CELF2: variants seen among roughly 807,000 people sequenced by gnomAD.
CELF2 encodes CUG triplet repeat RNA-binding protein 2.
CELF2 carries 8 observed loss-of-function variants against 62.6 expected under a neutral mutation model. That is an observed-to-expected ratio of 0.13 (90% confidence interval 0.07 to 0.23). CELF2 has a LOEUF of 0.23. Among genes scored for constraint, CELF2 ranks in the 10% least tolerant of loss-of-function variants. CELF2 has a pLI of 1.00. For missense variants in CELF2, 333 were observed against 671.0 expected (o/e 0.50, Z 5.56); for synonymous variants, 258 against 250.0 (o/e 1.03, Z -0.30).
the CELF2 span, among the ~76,000 whole-genome samples, chr10:10,561,925 T>C: frequency 6.6e-6 from 1 of 152,150 alleles, no homozygotes; most frequent in African/African-American, 2.4e-5. Flanking sequence ...CCCCCTGCTC[T>C]CACTTTCTCC....
intron 9 of CELF2, among the ~76,000 whole-genome samples, chr10:11,307,732 C>A (rs4579840): frequency 2.0e-5 from 3 of 152,184 alleles, no homozygotes; most frequent in Admixed American, 6.5e-5. Flanking sequence ...TTTTAAGATT[C>A]CACTGAAAAG....
In CELF2 at chr10:11,268,353, A is replaced by G. The variant is rs563510768; in HGVS notation, c.618+1676A>G. Among the ~76,000 whole-genome samples the G allele has an allele frequency of 6.6e-5, 10 of 152,298 alleles. No homozygotes were observed. The highest frequency in any genetic ancestry group is 1.9e-4 in the African/African-American group (8 of 41,558). ...TCACCTGAGATAATTTTGAACCTCAATTCTTCAGTGTTTCTGTTAGAAACA... is the reference window on the plus strand; with the variant it reads ...TCACCTGAGATAATTTTGAACCTCAGTTCTTCAGTGTTTCTGTTAGAAACA... On this transcript the variant is annotated intron_variant, in intron 6 of 12. Coordinates refer to ENST00000633077, the MANE Select transcript of CELF2 (RefSeq NM_001326342.2). The surrounding 1 kb of genome is among the most constrained non-coding windows in gnomAD (Gnocchi z 4.7).
chr10:10,516,285 A>G, the CELF2 span, among the ~76,000 whole-genome samples: 12 of 152,302 alleles, frequency 7.9e-5, no homozygotes, highest in Admixed American at 7.2e-4. Flanking sequence ...TGAGAAGTCT[A>G]TTATTTAAAT....
At chr10:11,136,422 C>T (rs974104339) in intron 1 of CELF2, among the ~76,000 whole-genome samples, 29 of 151,974 alleles carry the variant, frequency 1.9e-4, no homozygotes, top group East Asian at 3.9e-4. Flanking sequence ...CCCAACGTGG[C>T]GAAACTCCAT....
the CELF2 span, among the ~76,000 whole-genome samples, chr10:10,684,020 T>C: frequency 6.6e-6 from 1 of 151,960 alleles, no homozygotes; most frequent in Non-Finnish European, 1.5e-5. Context: ...GAAAAAAAAA[T>C]CGCACGTACT....
intron 2 of CELF2, among the ~76,000 whole-genome samples, chr10:11,197,021 A>AAGGAAGGAAGGAAGGAAGGAAGG (rs1565230337): frequency 0.011 from 105 of 9,142 alleles, 10 homozygotes; most frequent in Admixed American, 0.023. Flanking sequence ...AGAAAGAAAG[A>AAGGAAGGAAGGAAGGAAGGAAGG]AAGAAAAGAA....
chr10:10,878,625 A>G (rs945634215), intron 1 of CELF2, among the ~76,000 whole-genome samples: 1 of 152,104 alleles, frequency 6.6e-6, no homozygotes, highest in Admixed American at 6.6e-5. Context: ...AGTCCTCTCA[A>G]GTTGGTCATT....
In CELF2 at chr10:11,331,947, C is replaced by G. The variant is rs2096031474; in HGVS notation, c.*2894C>G. 6.6e-6 allele frequency: 1 copy of G among 152,248 alleles called. No homozygotes were observed. The highest frequency in any genetic ancestry group is 1.5e-5 in the Non-Finnish European group (1 of 68,024). 9.4% of individuals were successfully genotyped at this position (152,248 alleles called of 1,614,324 possible). On this transcript the variant is annotated 3_prime_UTR_variant, in exon 13 of 13. Transcript: ENST00000633077. ...CCAATTTGGATTTTTTTCCCTGCAT[C>G]TATCCTCTAAGTTGTTTCGGTTTGA...
At chr10:11,002,534 G>A (rs1022083435), upstream of CELF2, among the ~76,000 whole-genome samples, 1 of 152,152 alleles carries the variant, frequency 6.6e-6, no homozygotes, top group African/African-American at 2.4e-5. The surrounding 1 kb of genome is among the most constrained non-coding windows in gnomAD (Gnocchi z 4.4). Context: ...CGTAGAAAGG[G>A]GCAGGCCCAG....
intron 1 of CELF2, among the ~76,000 whole-genome samples, chr10:11,047,862 G>T (rs147155369): frequency 2.0e-5 from 3 of 152,030 alleles, no homozygotes; most frequent in Non-Finnish European, 4.4e-5. Flanking sequence ...TCATGTTACT[G>T]TTGCCACATG....
intron 2 of CELF2, among the ~76,000 whole-genome samples, chr10:10,961,603 G>A (rs755616144): frequency 1.5e-4 from 23 of 151,352 alleles, no homozygotes; most frequent in South Asian, 4.2e-4. Context: ...AAAATTAGCC[G>A]GGTGTGGTAG....
At chr10:10,643,302 T>C in the CELF2 span, among the ~76,000 whole-genome samples, 8 of 152,046 alleles carry the variant, frequency 5.3e-5, no homozygotes, top group Non-Finnish European at 8.8e-5. Flanking sequence ...TTGGAGATAG[T>C]TGAATCAGGG....
the CELF2 span, among the ~76,000 whole-genome samples, chr10:10,614,887 G>A: frequency 4.6e-5 from 7 of 152,056 alleles, no homozygotes; most frequent in Admixed American, 2.0e-4. Context: ...AGCAAAGCAC[G>A]TAGGTCCCAA....
At chr10:10,714,143 C>T in the CELF2 span, among the ~76,000 whole-genome samples, 4 of 152,128 alleles carry the variant, frequency 2.6e-5, no homozygotes, top group Non-Finnish European at 5.9e-5. Flanking sequence ...TTAAAGACAT[C>T]GCTCCCCCAA....
chr10:11,067,730 G>C lies in CELF2; in HGVS notation c.74+49567G>C, dbSNP rs976252613. On this transcript the variant is annotated intron_variant, in intron 1 of 12. Transcript: ENST00000633077. Reference sequence around the variant, plus strand: ...CATGCTTCCCTTGTGTGTTTCCAGTGGTTGAAGTTGAAAGAACACAGGTTA... The same window carrying C: ...CATGCTTCCCTTGTGTGTTTCCAGTCGTTGAAGTTGAAAGAACACAGGTTA... Among the ~76,000 whole-genome samples the C allele has an allele frequency of 2.6e-5, 4 of 152,184 alleles. No homozygotes were observed. In the South Asian group the frequency reaches 8.3e-4, roughly 32 times the overall value.
At chr10:10,913,683 A>T (rs1179689677) in intron 1 of CELF2, among the ~76,000 whole-genome samples, 17 of 151,266 alleles carry the variant, frequency 1.1e-4, no homozygotes, top group Non-Finnish European at 2.1e-4. Context: ...GAGCCGCTGC[A>T]CCCAGCCTGT....
At chr10:10,658,696 CTATCTTGT>C in the CELF2 span, among the ~76,000 whole-genome samples, 1 of 152,256 alleles carries the variant, frequency 6.6e-6, no homozygotes, top group East Asian at 1.9e-4. Flanking sequence ...AAAATACATT[CTATCTTGT>C]TAAACTGAAT....
the CELF2 span, among the ~76,000 whole-genome samples, chr10:10,623,118 A>C: frequency 0.035 from 5,147 of 146,074 alleles, 279 homozygotes; most frequent in African/African-American, 0.1. Context: ...AAAAAAAAAA[A>C]AAAATTGGAT....
intron 1 of CELF2, among the ~76,000 whole-genome samples, chr10:10,873,704 C>A (rs961107043): frequency 6.6e-6 from 1 of 152,150 alleles, no homozygotes; most frequent in African/African-American, 2.4e-5. Flanking sequence ...AGCAATAAAT[C>A]GAAGATCTGT....
Sources: gnomAD v4.1 joint callset for allele counts (sites outside exome capture counted in the v4.1 genomes callset) on GRCh38, gnomAD v4.1.1 for gene constraint, Gnocchi (gnomAD v3.1) non-coding constraint, MANE v1.5 for transcripts, NCBI Gene and HGNC (gene_info 2026-07-23, HGNC 2026-07-21) for gene names.